Variants in SCRIB observed in about 807,000 individuals in gnomAD.
SCRIB encodes the protein protein scribble homolog.
Under a neutral mutation model 170.0 loss-of-function variants are expected in SCRIB, and 72 were observed. The ratio of observed to expected loss-of-function variants is 0.42; its 90% confidence interval spans 0.35 to 0.52. SCRIB has a LOEUF of 0.52. Ranked by LOEUF, SCRIB falls within the 20% of genes least tolerant of loss-of-function variation. The pLI is 0.02. For missense variants in SCRIB, 2,475 were observed against 2,338.5 expected, an observed-to-expected ratio of 1.06 and a Z score of -1.20; for synonymous variants, 1,298 against 1,044.3, an observed-to-expected ratio of 1.24 and a Z score of -4.68.
rs1815841407 is a variant in SCRIB, at chr8:143,813,300, C to T, written c.567+11G>A. On this transcript the variant is annotated intron_variant, in intron 6 of 36. Transcript: ENST00000356994. ...GCCCTCCGGTCTCTGCCCTGTCAGG[C>T]CTCCACGCACCAGCACTTCCAGATC... 4 of 1,613,436 alleles carry T rather than the reference C, an allele frequency of 2.5e-6. No homozygotes were observed. Among genetic ancestry groups the T allele is most frequent in the Admixed American group, 1.7e-5 (1 of 60,034 alleles).
chr8:143,808,498 C>T (rs1003076727), intron 15 of SCRIB, 111 bp downstream of exon 15: 14 of 1,334,946 alleles, frequency 1.0e-5, no homozygotes, highest in Admixed American at 5.5e-5. Context: ...CCACCTTCTC[C>T]GGGTGGCCAG....
rs782508198 is a variant in SCRIB at position 143,795,324 on chromosome 8, G to A, written c.3724C>T (p.Leu1242=). 1.2e-6 allele frequency: 2 copies of A among 1,612,834 alleles called. No homozygotes were observed. Among genetic ancestry groups the A allele is most frequent in the South Asian group, 1.1e-5 (1 of 91,074 alleles). The stretch of plus-strand genomic sequence containing the variant: ...CCCCAGTGCAGGGTCTGTCCAGGCA[G>A]CTCCTTCTCCTGTGAGCAGAGCAGA... ...SPEGPGKEKE[L]PGQTLHWGPE... Residue 1242 remains leucine, a synonymous_variant, in exon 26 of 37, where the codon CTG becomes TTG. Transcript: ENST00000356994.
intron 17 of SCRIB, among the ~76,000 whole-genome samples, 162 bp from the exon 18 acceptor site, chr8:143,806,646 G>A (rs1412335928): frequency 6.6e-6 from 1 of 152,248 alleles, no homozygotes; most frequent in Admixed American, 6.5e-5. Flanking sequence ...AGTGCCAGGG[G>A]GTTAGAAGGA....
chr8:143,794,753 G>A (rs1444933733), intron 27 of SCRIB, among the ~76,000 whole-genome samples: 2 of 152,096 alleles, frequency 1.3e-5, no homozygotes. Flanking sequence ...AGCCCCAGCA[G>A]CAGCAGGTGA....
Position 143,808,647 on chromosome 8 carries a change from C to T in SCRIB, c.2077G>A (p.Asp693Asn), listed in dbSNP as rs752405709. The change falls in exon 15 of 37, where the codon GAC becomes AAC. Residue 693 changes from aspartate to asparagine, a missense_variant. Physicochemically the swap from Asp to Asn is conservative, Grantham distance 23. Coordinates refer to ENST00000356994, the MANE Select transcript of SCRIB (RefSeq NM_182706.5). Reference sequence around the variant, plus strand: ...GCAGAAACCACGGCCCCCTCCTTGTCCTCCTCCTCAGTGCTGGCCTCTTCC... The same window carrying T: ...GCAGAAACCACGGCCCCCTCCTTGTTCTCCTCCTCAGTGCTGGCCTCTTCC... The part of the protein sequence containing the change: ...EEEEASTEEE[D>N]KEGAVVSAPS... 4.6e-6 allele frequency: 7 copies of T among 1,516,058 alleles called. No individual in the cohort carries two copies. The African/African-American group carries it at 5.6e-5, about 12-fold the overall frequency. The allele number at this position is 1,516,058 out of a possible 1,614,324, so 93.9% of individuals were successfully genotyped here. A position where few individuals can be genotyped will look rare whatever the true frequency, so the allele number is the denominator to read the frequency against.
rs1816062821 is a variant in SCRIB at position 143,815,650 on chromosome 8, G to C, written c.-278C>G. On this transcript the variant is annotated 5_prime_UTR_variant, in exon 1 of 37. Transcript: ENST00000356994. The stretch of plus-strand genomic sequence containing the variant: ...CGGCGGCGGCTCCGCATCCCGCTTG[G>C]TCCTGCTCAGCTCGTCCCGCCCGCT... 1 of 982,424 alleles carries C rather than the reference G, an allele frequency of 1.0e-6. No individual in the cohort carries two copies. The highest frequency in any genetic ancestry group is 1.2e-6 in the Non-Finnish European group (1 of 828,934). The allele number at this position is 982,424 out of a possible 1,614,324, so 60.9% of individuals were successfully genotyped here.
rs755526106 is a variant in SCRIB at position 143,812,267 on chromosome 8, A to G, written c.905T>C (p.Met302Thr). The change falls in exon 9 of 37, where the codon ATG becomes ACG. Residue 302 changes from methionine (M) to threonine (T), a missense_variant and splice_region_variant. Around this residue, in one of 3 missense-constraint regions of SCRIB, gnomAD observed 487 missense variants for 558.1 expected, o/e 0.87. Transcript: ENST00000356994. ...SELILTENLLMALPRSLGKLT... is the reference protein window; with the variant it reads ...SELILTENLLTALPRSLGKLT... ...TCTGCCTCCCAAGCCAGACCCTACCATCAGCAGGTTCTCCGTGAGGATCAG... is the reference window on the plus strand; with the variant it reads ...TCTGCCTCCCAAGCCAGACCCTACCGTCAGCAGGTTCTCCGTGAGGATCAG... 2 of 1,594,822 alleles carry G rather than the reference A, an allele frequency of 1.3e-6. No individual in the cohort carries two copies. The highest frequency in any genetic ancestry group is 2.2e-5 in the East Asian group (1 of 44,758).
At position 143,815,274 on chromosome 8, in the gene SCRIB, G is replaced by T; in HGVS notation, c.99C>A (p.Arg33=). 6.3e-7 allele frequency: 1 copy of T among 1,597,612 alleles called. No individual in the cohort carries two copies. Residue 33 remains arginine (R), a synonymous_variant, in exon 1 of 37, where the codon CGC becomes CGA. Transcript: ENST00000356994. ...GCAGCTCCTCCAGGCTGCGGCTGTA[G>T]CGGTAGATCTCCTCCGGCACGGCCT... is the stretch of plus-strand genomic sequence containing the variant. ...SLQAVPEEIY[R]YSRSLEELLL...
In SCRIB at chr8:143,803,895, C is replaced by A; in HGVS notation, c.3166G>T (p.Asp1056Tyr). 2.5e-6 allele frequency: 4 copies of A among 1,593,754 alleles called. No homozygotes were observed. The highest frequency in any genetic ancestry group is 2.6e-6 in the Non-Finnish European group (3 of 1,170,312). Residue 1056 changes from aspartate (D) to tyrosine (Y), a missense_variant, in exon 23 of 37, where the codon GAC (aspartate) becomes TAC (tyrosine). Physicochemically the swap from Asp to Tyr is radical, Grantham distance 160 (BLOSUM62 -3). This residue lies in a region of SCRIB where 1,966 missense variants were observed against 1,742.9 expected (regional missense o/e 1.13). Transcript: ENST00000356994. ...LAARSGLRVG[D>Y]RILAVNGQDV... is the part of the protein sequence containing the mutation. ...TGCCCGTTCACTGCCAGGATGCGGT[C>A]CCCAACCCGCAGGCCGCTGCGAGCG... is the stretch of plus-strand genomic sequence containing the variant.
At chr8:143,794,658 CTCCAG>C (rs1814861743) in intron 27 of SCRIB, among the ~76,000 whole-genome samples, 1 of 152,078 alleles carries the variant, frequency 6.6e-6, no homozygotes. Flanking sequence ...CCTCCAGCTG[CTCCAG>C]CCTGTCCTCC....
At chr8:143,797,780 C>T (rs1481943634) in intron 24 of SCRIB, among the ~76,000 whole-genome samples, 10 of 152,220 alleles carry the variant, frequency 6.6e-5, no homozygotes, top group Admixed American at 1.3e-4. Context: ...AGGCACGCTC[C>T]GACCGAAGGA....
rs1163663180 is a variant in SCRIB at position 143,815,573 on chromosome 8, G to A, written c.-201C>T. 2 of 981,604 alleles carry A rather than the reference G, an allele frequency of 2.0e-6. No individual in the cohort carries two copies. The highest frequency in any genetic ancestry group is 4.7e-5 in the South Asian group (1 of 21,288). The allele number at this position is 981,604 out of a possible 1,614,324, so 60.8% of individuals were successfully genotyped here. A position where few individuals can be genotyped will look rare whatever the true frequency, so the allele number is the denominator to read the frequency against. ...AACGCTCGGACTGCGGGCCTGGGCA[G>A]GGGGCGCGGCCCGGCGGGTCTCAGA... On this transcript the variant is annotated 5_prime_UTR_variant, in exon 1 of 37. Transcript: ENST00000356994.
chr8:143,812,301 G>C lies in SCRIB; in HGVS notation c.871C>G (p.Leu291Val). 6.2e-7 allele frequency: 1 copy of C among 1,613,156 alleles called. No homozygotes were observed. Among genetic ancestry groups the C allele is most frequent in the South Asian group, 1.1e-5 (1 of 91,052 alleles). ...VTEAIGDCEN[L>V]SELILTENLL... ...TTCTCCGTGAGGATCAGCTCAGAGA[G>C]GTTCTCACAGTCCCCGATGGCCTCG... The change falls in exon 9 of 37, where the codon CTC (leucine) becomes GTC (valine). Residue 291 changes from leucine (L) to valine (V), a missense_variant. Leu to Val is a conservative substitution (Grantham distance 32). Coordinates refer to ENST00000356994, the MANE Select transcript of SCRIB (RefSeq NM_182706.5).
At position 143,810,657 on chromosome 8, in the gene SCRIB, G is replaced by A. The variant is rs756841644; in HGVS notation, c.1404+29C>T. 4.8e-5 allele frequency: 77 copies of A among 1,603,140 alleles called. 1 individual carries two copies. The Admixed American group carries it at 1.1e-3, about 22-fold the overall frequency. ...GCCACAGGGCAGGGGTCAGGCAGAG[G>A]TTCGCCCCCCAGATCCTCACCCTCA... On this transcript the variant is annotated intron_variant, in intron 12 of 36. Transcript: ENST00000356994.
rs562077687 is a variant in SCRIB, at chr8:143,802,100, G to A, written c.3603+1283C>T. Among the ~76,000 whole-genome samples, 39 of 152,302 alleles carry A rather than the reference G, an allele frequency of 2.6e-4. No individual in the cohort carries two copies. The South Asian group carries it at 7.0e-3, about 27-fold the overall frequency. On this transcript the variant is annotated intron_variant, in intron 24 of 36. Transcript: ENST00000356994. ...TAGATACACATTTAAAATAATAAAA[G>A]GCAAGGCCCTCTCTGAGAACCAGAT...
chr8:143,811,095 C>T, intron 10 of SCRIB, 23 bp from the exon 11 acceptor site: 2 of 1,607,518 alleles, frequency 1.2e-6, no homozygotes, highest in East Asian at 2.2e-5. Context: ...CGGGCACAGT[C>T]AGCAGGCGTT....
At chr8:143,795,001 G>A (rs1814878258) in intron 27 of SCRIB, 37 bp downstream of exon 27, 2 of 1,591,042 alleles carry the variant, frequency 1.3e-6, no homozygotes, top group Non-Finnish European at 1.7e-6. Context: ...CAGGACAACA[G>A]GACGGAGGTG....
rs186706976 is a variant in SCRIB, at chr8:143,815,140, G to A, written c.159+74C>T. 1.1e-3 allele frequency: 1,517 copies of A among 1,412,600 alleles called. 12 individuals are homozygous for A. The African/African-American group carries it at 0.02, about 18-fold the overall frequency. 87.5% of individuals were successfully genotyped at this position (1,412,600 alleles called of 1,614,324 possible). On this transcript the variant is annotated intron_variant, in intron 1 of 36. Transcript: ENST00000356994. Reference sequence around the variant, plus strand: ...GGCTGGAGGCTGCGGTGACTCGCCCGGGCAGATTCTGCCGCCGGAGGAATC... The same window carrying A: ...GGCTGGAGGCTGCGGTGACTCGCCCAGGCAGATTCTGCCGCCGGAGGAATC...
rs782501621 is a variant in SCRIB at position 143,792,317 on chromosome 8, C to A, written c.4417G>T (p.Val1473Leu). ...AERRHQERLRVQSPEPPAPER... is the reference protein window; with the variant it reads ...AERRHQERLRLQSPEPPAPER... The stretch of plus-strand genomic sequence containing the variant: ...GGTGCCGGTGGCTCCGGACTCTGCA[C>A]GCGCAGCCGCTCCTGGTGGCGCCGT... Residue 1473 changes from valine to leucine, a missense_variant, in exon 32 of 37, where the codon GTG (valine) becomes TTG (leucine). Around this residue, in one of 3 missense-constraint regions of SCRIB, gnomAD observed 1,966 missense variants for 1,742.9 expected, o/e 1.13. Coordinates refer to ENST00000356994, the MANE Select transcript of SCRIB (RefSeq NM_182706.5). The A allele has an allele frequency of 6.4e-7, 1 of 1,551,134 alleles. No homozygotes were observed. The highest frequency in any genetic ancestry group is 1.4e-5 in the African/African-American group (1 of 73,852).
Sources: gnomAD v4.1 joint callset for allele counts (sites outside exome capture counted in the v4.1 genomes callset) on GRCh38, gnomAD v4.1.1 for gene constraint, gnomAD v4.1.1 regional missense constraint, MANE v1.5 for transcripts, NCBI Gene and HGNC (gene_info 2026-07-23, HGNC 2026-07-21) for gene names.